ACBD3: variants seen among roughly 807,000 people sequenced by gnomAD.
ACBD3 encodes Golgi resident protein GCP60.
A neutral mutation model predicts 66.9 loss-of-function variants in ACBD3; 30 were observed. The ratio of observed to expected loss-of-function variants is 0.45; its 90% CI spans 0.34 to 0.61. ACBD3 has a LOEUF of 0.61. ACBD3 is among the 20% of genes least tolerant of loss of function. ACBD3 has a pLI of 0.02. For missense variants in ACBD3, 544 were observed against 664.5 expected (o/e 0.82, Z 1.99); for synonymous variants, 278 against 259.8 (o/e 1.07, Z -0.68).
At chr1:226,161,157 T>TTTTTTTTTG (rs10674358) in intron 4 of ACBD3, among the ~76,000 whole-genome samples, 1 of 151,272 alleles carries the variant, frequency 6.6e-6, no homozygotes, top group Non-Finnish European at 1.5e-5. Flanking sequence ...TTTTTTTTTT[T>TTTTTTTTTG]GAGACGGAGT....
chr1:226,176,737 A>C (rs936065580), intron 1 of ACBD3, among the ~76,000 whole-genome samples: 20 of 152,332 alleles, frequency 1.3e-4, no homozygotes, highest in African/African-American at 4.6e-4. Context: ...TATGAAAAGT[A>C]AAATATACAT....
At chr1:226,159,457 TA>T (rs1206048888) in intron 4 of ACBD3, 99 bp from the exon 5 acceptor site, 1 of 1,087,888 alleles carries the variant, frequency 9.2e-7, no homozygotes, top group Non-Finnish European at 1.3e-6. Flanking sequence ...CTGTAACTCT[TA>T]AAAACAACTA....
intron 7 of ACBD3, 56 bp from the exon 8 acceptor site, chr1:226,146,877 G>A (rs1219666): frequency 1 from 1,497,590 of 1,497,722 alleles, 748,729 homozygotes; most frequent in Middle Eastern, 1. Flanking sequence ...ACTTGCATCA[G>A]GCAATTAAAA....
At chr1:226,148,632 T>C (rs1372931366) in intron 7 of ACBD3, among the ~76,000 whole-genome samples, 1 of 152,230 alleles carries the variant, frequency 6.6e-6, no homozygotes, top group Admixed American at 6.5e-5. Context: ...GTTTAGGACC[T>C]GTAAACAATG....
chr1:226,165,762 A>G lies in ACBD3; in HGVS notation c.428+97T>C, dbSNP rs1659866597. 1.0e-5 allele frequency: 14 copies of G among 1,399,744 alleles called. 2 individuals carry two copies. The South Asian group carries it at 1.6e-4, about 16-fold the overall frequency. The allele number at this position is 1,399,744 out of a possible 1,614,324, so 86.7% of individuals were successfully genotyped here. On this transcript the variant is annotated intron_variant, in intron 2 of 7. Coordinates refer to ENST00000366812, the MANE Select transcript of ACBD3 (RefSeq NM_022735.4). Reference sequence around the variant, plus strand: ...GCAAAAATGTTCAGTTCTTATCCTAAGCTAATGAACCAGCTACTTACACCT... The same window carrying G: ...GCAAAAATGTTCAGTTCTTATCCTAGGCTAATGAACCAGCTACTTACACCT...
At chr1:226,180,173 A>T (rs74981160) in intron 1 of ACBD3, among the ~76,000 whole-genome samples, 2 of 134,534 alleles carry the variant, frequency 1.5e-5, no homozygotes. Flanking sequence ...TCTGTCTCCC[A>T]AAAAAAAAAA....
At chr1:226,185,537 C>T (rs1259847955) in intron 1 of ACBD3, among the ~76,000 whole-genome samples, 2 of 151,846 alleles carry the variant, frequency 1.3e-5, no homozygotes, top group Non-Finnish European at 2.9e-5. Flanking sequence ...AAGAATCAAA[C>T]TAACGGGCTT....
At chr1:226,166,685 CTA>C (rs927435808) in intron 1 of ACBD3, among the ~76,000 whole-genome samples, 3 of 152,040 alleles carry the variant, frequency 2.0e-5, no homozygotes, top group Non-Finnish European at 4.4e-5. Flanking sequence ...CAAGGTCTCA[CTA>C]TGTTGCCCAG....
intron 1 of ACBD3, among the ~76,000 whole-genome samples, chr1:226,185,339 C>A (rs1160264736): frequency 2.0e-5 from 3 of 152,166 alleles, no homozygotes; most frequent in South Asian, 2.1e-4. Flanking sequence ...AAACAACTTC[C>A]GTGTGTATCA....
chr1:226,184,617 G>T (rs1037528388), intron 1 of ACBD3, among the ~76,000 whole-genome samples: 1 of 152,114 alleles, frequency 6.6e-6, no homozygotes, highest in Admixed American at 6.6e-5. Flanking sequence ...AAAGTTAATT[G>T]TCTAGTTTAC....
At chr1:226,152,253 A>C (rs1659590209) in intron 7 of ACBD3, 82 bp downstream of exon 7, 2 of 1,531,396 alleles carry the variant, frequency 1.3e-6, no homozygotes, top group East Asian at 4.5e-5. Context: ...CAGGAAGCAT[A>C]AGGCTGGGTG....
chr1:226,148,785 A>AGGT (rs1659506533), intron 7 of ACBD3, among the ~76,000 whole-genome samples: 1 of 152,226 alleles, frequency 6.6e-6, no homozygotes, highest in Non-Finnish European at 1.5e-5. Context: ...TACCATATGA[A>AGGT]ATACAAGACA....
At chr1:226,167,933 G>A (rs1283844056) in intron 1 of ACBD3, among the ~76,000 whole-genome samples, 2 of 152,078 alleles carry the variant, frequency 1.3e-5, no homozygotes, top group South Asian at 2.1e-4. Context: ...AAGTTATTAA[G>A]ATCCTACAAA....
At chr1:226,155,256 A>G (rs1659650366) in intron 5 of ACBD3, among the ~76,000 whole-genome samples, 1 of 152,096 alleles carries the variant, frequency 6.6e-6, no homozygotes, top group Non-Finnish European at 1.5e-5. Context: ...CGTCTCTACT[A>G]AAAATACAAA....
chr1:226,147,689 G>C (rs1403678926), intron 7 of ACBD3, among the ~76,000 whole-genome samples: 1 of 152,026 alleles, frequency 6.6e-6, no homozygotes, highest in Non-Finnish European at 1.5e-5. Context: ...ATTTTCACTA[G>C]GCCAATTTAA....
chr1:226,182,387 C>T (rs558232069), intron 1 of ACBD3, among the ~76,000 whole-genome samples: 18 of 152,178 alleles, frequency 1.2e-4, no homozygotes, highest in South Asian at 8.3e-4. Flanking sequence ...AAGGCCGAGG[C>T]GGGGAGATCA....
At chr1:226,180,827 T>C (rs1376229910) in intron 1 of ACBD3, among the ~76,000 whole-genome samples, 4 of 152,164 alleles carry the variant, frequency 2.6e-5, no homozygotes, top group South Asian at 4.1e-4. Context: ...GGTGAAACCC[T>C]GTCTGTACTA....
In ACBD3 at chr1:226,184,056, T is replaced by C. The variant is rs1656237228; in HGVS notation, c.286+2334A>G. ...AATACAAAAAATTAGCCGGGCGTGG[T>C]GGTGGGCACCTGTAGTCCCAGCTAC... On this transcript the variant is annotated intron_variant, in intron 1 of 7. Coordinates refer to ENST00000366812, the MANE Select transcript of ACBD3 (RefSeq NM_022735.4). Among the ~76,000 whole-genome samples, 3 of 151,890 alleles carry C rather than the reference T, an allele frequency of 2.0e-5. No homozygotes were observed. The South Asian group carries it at 6.2e-4, about 32-fold the overall frequency.
In ACBD3 at chr1:226,154,947, G is replaced by A. The variant is rs1659644693; in HGVS notation, c.904-114C>T. On this transcript the variant is annotated intron_variant, in intron 5 of 7. Coordinates refer to ENST00000366812, the MANE Select transcript of ACBD3 (RefSeq NM_022735.4). Reference sequence around the variant, plus strand: ...TGCCCTACCAAAGTGCTATGCTCAAGAAATTACTAATAAATTTTTATCAGT... The same window carrying A: ...TGCCCTACCAAAGTGCTATGCTCAAAAAATTACTAATAAATTTTTATCAGT... The A allele has an allele frequency of 4.1e-6, 3 of 725,342 alleles. No homozygotes were observed. The African/African-American group carries it at 5.5e-5, about 13-fold the overall frequency. 44.9% of individuals were successfully genotyped at this position (725,342 alleles called of 1,614,324 possible).
Sources: gnomAD v4.1 joint callset for allele counts (sites outside exome capture counted in the v4.1 genomes callset) on GRCh38, gnomAD v4.1.1 for gene constraint, MANE v1.5 for transcripts, NCBI Gene and HGNC (gene_info 2026-07-23, HGNC 2026-07-21) for gene names.